The following HNRNPU variants were observed in gnomAD, a reference collection of about 807,000 sequenced individuals.
HNRNPU encodes the protein HNRNPU antisense RNA 1.
Under a neutral mutation model 94.7 loss-of-function variants are expected in HNRNPU, and 5 were observed. The ratio of observed to expected loss-of-function variants is 0.05; its 90% CI spans 0.03 to 0.11. The LOEUF (loss-of-function observed/expected upper bound fraction) is 0.11. HNRNPU is among the 10% of genes least tolerant of loss of function. HNRNPU has a pLI of 1.00. For missense variants in HNRNPU, 710 were observed against 1,049.2 expected (o/e 0.68, Z 4.47); for synonymous variants, 434 against 381.6 (o/e 1.14, Z -1.60).
In HNRNPU at chr1:244,864,455, C is replaced by T; in HGVS notation, c.-148G>A. On this transcript the variant is annotated 5_prime_UTR_variant, in exon 1 of 14. Coordinates refer to ENST00000640218, the MANE Select transcript of HNRNPU (RefSeq NM_031844.3). ...GGGTTCGTGCTGCAGAGCGGATCCGCCTGGTGTCGAACGGCGCCAATTCCT... is the reference window on the plus strand; with the variant it reads ...GGGTTCGTGCTGCAGAGCGGATCCGTCTGGTGTCGAACGGCGCCAATTCCT... The T allele has an allele frequency of 2.9e-6, 4 of 1,374,090 alleles. No homozygotes were observed. Among genetic ancestry groups the T allele is most frequent in the East Asian group, 2.6e-5 (1 of 38,358 alleles). 85.1% of individuals were successfully genotyped at this position (1,374,090 alleles called of 1,614,324 possible).
intron 3 of HNRNPU, 46 bp downstream of exon 3, chr1:244,862,415 C>CAA: frequency 1.5e-6 from 1 of 658,334 alleles, no homozygotes; most frequent in South Asian, 3.5e-5. Context: ...AAAAAAAAAA[C>CAA]CACCATCACC....
rs575152976 is a variant in HNRNPU, at chr1:244,855,947, T to C, written c.2124A>G (p.Gly708=). Residue 708 remains glycine, a synonymous_variant, in exon 11 of 14, where the codon GGA becomes GGG. Coordinates refer to ENST00000640218, the MANE Select transcript of HNRNPU (RefSeq NM_031844.3). ...NQFNRGGGHR[G]RGGFNMRGGN... ...CACCACGCATATTGAATCCTCCACG[T>C]CCTCTATGGCCACCACCTCTGTTAA... 6.2e-7 allele frequency: 1 copy of C among 1,614,112 alleles called. No individual in the cohort carries two copies. Among genetic ancestry groups the C allele is most frequent in the African/African-American group, 1.3e-5 (1 of 75,054 alleles).
intron 6 of HNRNPU, 110 bp downstream of exon 6, chr1:244,858,619 G>A: frequency 1.5e-6 from 1 of 677,774 alleles, no homozygotes; most frequent in Non-Finnish European, 2.6e-6. Flanking sequence ...CCAGGGACTG[G>A]TGTATTTTGT....
intron 4 of HNRNPU, chr1:244,859,728 A>T (rs1465621543): frequency 1.2e-5 from 2 of 165,510 alleles, no homozygotes; most frequent in Admixed American, 6.3e-5. Flanking sequence ...GGCCCTTTCA[A>T]ATGCTTGATA....
In HNRNPU at chr1:244,853,185, T is replaced by TG. The variant is rs1005612672; in HGVS notation, c.*1264dup. The TG allele has an allele frequency of 1.2e-4, 19 of 152,482 alleles. No homozygotes were observed. The highest frequency in any genetic ancestry group is 3.1e-4 in the African/African-American group (13 of 41,492). 9.4% of individuals were successfully genotyped at this position (152,482 alleles called of 1,614,324 possible). A position where few individuals can be genotyped will look rare whatever the true frequency, so the allele number is the denominator to read the frequency against. ...CTCATTAAATATGTTAAAAGTTGTC[T>TG]GGGGGGGAGGGGAAGGGAAGAATTC... On this transcript the variant is annotated 3_prime_UTR_variant, in exon 14 of 14. Coordinates refer to ENST00000640218, the MANE Select transcript of HNRNPU (RefSeq NM_031844.3).
rs193032660 is a variant in HNRNPU at position 244,851,606 on chromosome 1, A to C, written c.*2844T>G. On this transcript the variant is annotated 3_prime_UTR_variant, in exon 14 of 14. Coordinates refer to ENST00000640218, the MANE Select transcript of HNRNPU (RefSeq NM_031844.3). ...ATACCTTGTTGCTAGTGCTCAGAAC[A>C]TCTAGGTTCAGTCTTTATTTTTAAG... is the stretch of plus-strand genomic sequence containing the variant. The C allele has an allele frequency of 6.6e-6, 1 of 152,342 alleles. No homozygotes were observed. Among genetic ancestry groups the C allele is most frequent in the African/African-American group, 2.4e-5 (1 of 41,580 alleles). The allele number at this position is 152,342 out of a possible 1,614,324, so 9.4% of individuals were successfully genotyped here.
intron 5 of HNRNPU, 96 bp from the exon 6 acceptor site, chr1:244,858,937 G>C: frequency 3.1e-6 from 2 of 650,372 alleles, no homozygotes; most frequent in Middle Eastern, 3.9e-4. Context: ...AGAGAAATAA[G>C]CATATAACCT....
intron 12 of HNRNPU, 135 bp downstream of exon 12, chr1:244,855,289 T>TGAAAAA (rs1680648093): frequency 1.1e-6 from 1 of 878,756 alleles, no homozygotes; most frequent in Non-Finnish European, 1.8e-6. Flanking sequence ...ATTTCACCAT[T>TGAAAAA]ACTAGTTCAA....
chr1:244,851,619 CTT>C lies in HNRNPU; in HGVS notation c.*2829_*2830del. 6.6e-6 allele frequency: 1 copy of C among 152,228 alleles called. No homozygotes were observed. The highest frequency in any genetic ancestry group is 2.4e-5 in the African/African-American group (1 of 41,538). 9.4% of individuals were successfully genotyped at this position (152,228 alleles called of 1,614,324 possible). On this transcript the variant is annotated 3_prime_UTR_variant, in exon 14 of 14. Coordinates refer to ENST00000640218, the MANE Select transcript of HNRNPU (RefSeq NM_031844.3). The stretch of plus-strand genomic sequence containing the variant: ...AGTGCTCAGAACATCTAGGTTCAGT[CTT>C]TATTTTTAAGACAGTATCTATCCTA...
chr1:244,856,016 A>G lies in HNRNPU; in HGVS notation c.2055T>C (p.Thr685=). 1 of 1,614,098 alleles carries G rather than the reference A, an allele frequency of 6.2e-7. No individual in the cohort carries two copies. ...TATTTTTATTGCTTTTCTTTGAGCC[A>G]GTGTTCTGTTTCTTTTCTGGTGGAA... ...KALPPEKKQN[T]GSKKSNKNKS... is the part of the protein sequence containing the mutation. The change falls in exon 11 of 14, where the codon ACT becomes ACC. Residue 685 remains threonine, a synonymous_variant. Transcript: ENST00000640218.
chr1:244,862,765 T>A, intron 1 of HNRNPU, 35 bp from the exon 2 acceptor site: 1 of 1,510,352 alleles, frequency 6.6e-7, no homozygotes, highest in Non-Finnish European at 9.2e-7. Context: ...AGGCCAAGCC[T>A]CTAAACAACA....
chr1:244,854,009 T>G lies in HNRNPU; in HGVS notation c.*441A>C, dbSNP rs1158565584. 5.1e-6 allele frequency: 1 copy of G among 194,658 alleles called. No individual in the cohort carries two copies. The highest frequency in any genetic ancestry group is 1.0e-5 in the Non-Finnish European group (1 of 95,934). 12.1% of individuals were successfully genotyped at this position (194,658 alleles called of 1,614,324 possible). ...CAGTACAGAGTCTTAATGCAATTCA[T>G]GAGGACCACTTAGTCCTTACATGAA... On this transcript the variant is annotated 3_prime_UTR_variant, in exon 14 of 14. Transcript: ENST00000640218.
Position 244,864,362 on chromosome 1 carries a change from C to T in HNRNPU, c.-55G>A. The T allele has an allele frequency of 2.5e-6, 4 of 1,591,490 alleles. No homozygotes were observed. The highest frequency in any genetic ancestry group is 1.9e-5 in the Admixed American group (1 of 52,804). On this transcript the variant is annotated 5_prime_UTR_variant, in exon 1 of 14. Coordinates refer to ENST00000640218, the MANE Select transcript of HNRNPU (RefSeq NM_031844.3). ...TGCCTCAAACTCGGCTCCGCTCACT[C>T]GGCCACTGGTGGCGGCTGCTGCGGC...
At chr1:244,854,868 A>G in intron 13 of HNRNPU, 105 bp downstream of exon 13, 2 of 946,590 alleles carry the variant, frequency 2.1e-6, no homozygotes, top group Non-Finnish European at 3.4e-6. Flanking sequence ...CCCTATTAAC[A>G]CTTATAAACA....
In HNRNPU at chr1:244,851,477, T is replaced by G. The variant is rs752804161; in HGVS notation, c.*2973A>C. ...TTAAATACAGAATACACTCTGTTCA[T>G]GAATATAAAATCCCCAGGTGAAAGT... On this transcript the variant is annotated 3_prime_UTR_variant, in exon 14 of 14. Coordinates refer to ENST00000640218, the MANE Select transcript of HNRNPU (RefSeq NM_031844.3). 12 of 152,356 alleles carry G rather than the reference T, an allele frequency of 7.9e-5. No individual in the cohort carries two copies. In the East Asian group the frequency reaches 2.1e-3, roughly 27 times the overall value. The allele number at this position is 152,356 out of a possible 1,614,324, so 9.4% of individuals were successfully genotyped here. A position where few individuals can be genotyped will look rare whatever the true frequency, so the allele number is the denominator to read the frequency against.
rs761732042 is a variant in HNRNPU, at chr1:244,855,871, G to A, written c.2167+33C>T. The stretch of plus-strand genomic sequence containing the variant: ...TAAAATTATCACTTGTTTCGATCCT[G>A]AACTAAATACAGAACACTCAAAATT... On this transcript the variant is annotated intron_variant, in intron 11 of 13. Transcript: ENST00000640218. The A allele has an allele frequency of 2.5e-6, 4 of 1,606,466 alleles. No individual in the cohort carries two copies. The East Asian group carries it at 8.9e-5, about 36-fold the overall frequency.
At chr1:244,860,262 C>T (rs1041153907) in intron 4 of HNRNPU, 73 bp downstream of exon 4, 11 of 1,390,854 alleles carry the variant, frequency 7.9e-6, no homozygotes, top group Admixed American at 4.1e-5. Flanking sequence ...GGTCGCACCA[C>T]GGCAATCCAG....
intron 4 of HNRNPU, 158 bp from the exon 5 acceptor site, chr1:244,859,532 T>TTCAA: frequency 2.1e-6 from 1 of 476,276 alleles, no homozygotes; most frequent in Non-Finnish European, 3.7e-6. Flanking sequence ...AACTTTAAAC[T>TTCAA]GATGTGCTTA....
rs1467444498 is a variant in HNRNPU, at chr1:244,851,444, G to GA, written c.*3005dup. On this transcript the variant is annotated 3_prime_UTR_variant, in exon 14 of 14. Transcript: ENST00000640218. ...AACATGTCATCCAATTCCCACAAAT[G>GA]AGACATTTTAAATACAGAATACACT... 1.3e-5 allele frequency: 2 copies of GA among 152,104 alleles called. No individual in the cohort carries two copies. Among genetic ancestry groups the GA allele is most frequent in the Admixed American group, 6.5e-5 (1 of 15,276 alleles). 9.4% of individuals were successfully genotyped at this position (152,104 alleles called of 1,614,324 possible).
Sources: gnomAD v4.1 joint callset for allele counts on GRCh38, gnomAD v4.1.1 for gene constraint, MANE v1.5 for transcripts, NCBI Gene and HGNC (gene_info 2026-07-23, HGNC 2026-07-21) for gene names.